BLM: variants seen among roughly 807,000 people sequenced by gnomAD.
The protein encoded by BLM is BLM RecQ like helicase, also known as recQ-like DNA helicase BLM.
A neutral mutation model predicts 135.3 loss-of-function variants in BLM; 95 were observed. The ratio of observed to expected loss-of-function variants is 0.70; its 90% CI spans 0.59 to 0.83. The LOEUF is 0.83. BLM is among the 40% of genes least tolerant of loss of function. BLM has a pLI of 0.00. For missense variants in BLM, 1,518 were observed against 1,663.9 expected (o/e 0.91, Z 1.53); for synonymous variants, 520 against 589.2 (o/e 0.88, Z 1.70).
At chr15:90,756,028 G>C (rs1389026782) in intron 5 of BLM, among the ~76,000 whole-genome samples, 3 of 152,004 alleles carry the variant, frequency 2.0e-5, no homozygotes, top group African/African-American at 7.2e-5. Flanking sequence ...CTGATGTGCT[G>C]GGCGCTCTTA....
rs376212452 is a variant in BLM at position 90,759,162 on chromosome 15, G to A, written c.1088-985G>A. Among the ~76,000 whole-genome samples the A allele has an allele frequency of 7.2e-5, 11 of 152,276 alleles. No homozygotes were observed. The East Asian group carries it at 1.5e-3, about 21-fold the overall frequency. On this transcript the variant is annotated intron_variant, in intron 5 of 21. Transcript: ENST00000355112. ...ATGAGCTCTTATGATAAAGCGTAGAGACAACCCAATTTCAAGTTAATTCAC... is the reference window on the plus strand; with the variant it reads ...ATGAGCTCTTATGATAAAGCGTAGAAACAACCCAATTTCAAGTTAATTCAC...
At chr15:90,723,620 T>A (rs1282990767) in intron 1 of BLM, among the ~76,000 whole-genome samples, 1 of 152,156 alleles carries the variant, frequency 6.6e-6, no homozygotes, top group East Asian at 1.9e-4. Context: ...GCCACTGCGC[T>A]CTAGCCTGAG....
In BLM at chr15:90,762,033, A is replaced by G. The variant is rs569537049; in HGVS notation, c.1882+778A>G. On this transcript the variant is annotated intron_variant, in intron 7 of 21. Transcript: ENST00000355112. ...TTTTTGCCATTGATGACTTAATACC[A>G]CGGAGGTTTTTCTTACAGTTACGCT... Among the ~76,000 whole-genome samples the G allele has an allele frequency of 3.3e-5, 5 of 152,158 alleles. No individual in the cohort carries two copies. In the South Asian group the frequency reaches 6.2e-4, roughly 19 times the overall value.
intron 10 of BLM, among the ~76,000 whole-genome samples, chr15:90,768,048 T>C (rs1292347119): frequency 6.6e-6 from 1 of 151,738 alleles, no homozygotes; most frequent in Non-Finnish European, 1.5e-5. Flanking sequence ...GTTCAAGTGA[T>C]TCTCCTGCCT....
rs149286215 is a variant in BLM, at chr15:90,811,251, C to T, written c.3921C>T (p.Pro1307=). The change falls in exon 21 of 22, where the codon CCC becomes CCT. Residue 1307 remains proline (P), a synonymous_variant. Coordinates refer to ENST00000355112, the MANE Select transcript of BLM (RefSeq NM_000057.4). ...PGISLSSSRG[P]GRSAAEELDE... ...TAAGCCTGTCCAGCAGCAGAGGCCC[C>T]GGAAGAAGTGCCGCTGAGGAGCTCG... 17 of 1,613,902 alleles carry T rather than the reference C, an allele frequency of 1.1e-5. No homozygotes were observed. The highest frequency in any genetic ancestry group is 4.0e-5 in the African/African-American group (3 of 74,908).
intron 18 of BLM, 115 bp from the exon 19 acceptor site, chr15:90,804,052 C>A: frequency 9.9e-7 from 1 of 1,006,342 alleles, no homozygotes; most frequent in South Asian, 1.4e-5. Context: ...GGCTCACTAT[C>A]TGCATGACAG....
At chr15:90,799,260 G>A (rs1337154648) in intron 17 of BLM, among the ~76,000 whole-genome samples, 1 of 151,976 alleles carries the variant, frequency 6.6e-6, no homozygotes, top group African/African-American at 2.4e-5. Flanking sequence ...GTTTGGGAGA[G>A]AGGGGAGAGA....
intron 1 of BLM, among the ~76,000 whole-genome samples, chr15:90,746,033 G>A (rs568819505): frequency 2.0e-4 from 31 of 152,256 alleles, no homozygotes; most frequent in Admixed American, 5.9e-4. Flanking sequence ...AGCTGTGATT[G>A]AGCCAGTGTA....
At chr15:90,756,175 C>T (rs931684960) in intron 5 of BLM, among the ~76,000 whole-genome samples, 2 of 151,868 alleles carry the variant, frequency 1.3e-5, no homozygotes, top group Non-Finnish European at 2.9e-5. Flanking sequence ...ACAACCTCAG[C>T]TCACTGCAGC....
At chr15:90,738,307 A>G (rs1262766007) in intron 1 of BLM, among the ~76,000 whole-genome samples, 3 of 152,246 alleles carry the variant, frequency 2.0e-5, no homozygotes, top group Non-Finnish European at 4.4e-5. Flanking sequence ...CCCAGGATAT[A>G]TAAAGAACTC....
intron 10 of BLM, among the ~76,000 whole-genome samples, chr15:90,768,206 G>C (rs1896191210): frequency 6.6e-6 from 1 of 152,134 alleles, no homozygotes; most frequent in Admixed American, 6.5e-5. Flanking sequence ...GCCTCCCAAA[G>C]TGCTGGGATT....
intron 7 of BLM, among the ~76,000 whole-genome samples, chr15:90,762,051 G>GT (rs28385016): frequency 0.04 from 6,053 of 152,244 alleles, 159 homozygotes; most frequent in Non-Finnish European, 0.056. Context: ...TTTTCTTACA[G>GT]TTACGCTGCT....
intron 14 of BLM, among the ~76,000 whole-genome samples, chr15:90,787,752 C>T (rs1293940655): frequency 6.6e-6 from 1 of 151,970 alleles, no homozygotes; most frequent in African/African-American, 2.4e-5. Context: ...GAGTTTGAGA[C>T]CAGCCTGGCC....
intron 14 of BLM, among the ~76,000 whole-genome samples, chr15:90,789,909 T>G (rs1486780620): frequency 6.6e-6 from 1 of 151,598 alleles, no homozygotes; most frequent in Non-Finnish European, 1.5e-5. Flanking sequence ...GAAAACTGAT[T>G]TATCAAGCTC....
rs2151163965 is a variant in BLM at position 90,766,985 on chromosome 15, G to C, written c.2269G>C (p.Asp757His). 1.3e-6 allele frequency: 2 copies of C among 1,599,600 alleles called. No homozygotes were observed. Among genetic ancestry groups the C allele is most frequent in the Non-Finnish European group, 1.7e-6 (2 of 1,168,156 alleles). The change falls in exon 10 of 22, where the codon GAC becomes CAC. Residue 757 changes from aspartate (D) to histidine (H), a missense_variant. Physicochemically the swap from Asp to His is moderately conservative, Grantham distance 81. Transcript: ENST00000355112. ...TNIYLQLSKK[D>H]PIIKLLYVTP... Reference sequence around the variant, plus strand: ...TATTTACCTCCAGTTATCAAAAAAAGACCCAATCATAAAACTTCTATATGT... The same window carrying C: ...TATTTACCTCCAGTTATCAAAAAAACACCCAATCATAAAACTTCTATATGT...
intron 9 of BLM, 35 bp from the exon 10 acceptor site, chr15:90,766,875 A>T: frequency 7.3e-7 from 1 of 1,367,514 alleles, no homozygotes; most frequent in Non-Finnish European, 1.0e-6. Flanking sequence ...AGGTTAATGT[A>T]TAAAATTGAA....
intron 4 of BLM, 118 bp from the exon 5 acceptor site, chr15:90,754,693 T>G (rs899938361): frequency 1.7e-6 from 2 of 1,173,018 alleles, no homozygotes; most frequent in Non-Finnish European, 2.4e-6. Flanking sequence ...AAAAACTACT[T>G]CTCTTTTCTG....
In BLM at chr15:90,737,793, A is replaced by G. The variant is rs149335636; in HGVS notation, c.-4-9596A>G. On this transcript the variant is annotated intron_variant, in intron 1 of 21. Transcript: ENST00000355112. ...AAAAGAACAAACCAAACCCAAAGCT[A>G]CAGAAACAAGGAAATAATAAATATT... 2.4e-3 allele frequency among the ~76,000 whole-genome samples: 368 copies of G among 152,270 alleles called. 3 individuals are homozygous for G. Among genetic ancestry groups the G allele is most frequent in the Non-Finnish European group, 3.4e-3 (228 of 68,026 alleles).
intron 12 of BLM, among the ~76,000 whole-genome samples, chr15:90,776,282 T>C (rs533203707): frequency 6.6e-6 from 1 of 152,246 alleles, no homozygotes; most frequent in Non-Finnish European, 1.5e-5. Context: ...ATAAGCAAGA[T>C]CAATCGTTAT....
Sources: allele counts gnomAD v4.1 joint callset (sites outside exome capture counted in the v4.1 genomes callset), GRCh38; gene constraint gnomAD v4.1.1; transcripts MANE v1.5; gene names NCBI Gene and HGNC (gene_info 2026-07-23, HGNC 2026-07-21).